The following PCDHGA3 variants were observed in gnomAD, a reference collection of about 807,000 sequenced individuals.
The protein encoded by PCDHGA3 is protocadherin gamma subfamily A, 3, also known as protocadherin gamma-A3.
A neutral mutation model predicts 58.5 loss-of-function variants in PCDHGA3; 40 were observed. The ratio of observed to expected loss-of-function variants is 0.68; its 90% CI spans 0.53 to 0.89. PCDHGA3 has a LOEUF of 0.89. Among genes scored for constraint, PCDHGA3 ranks in the 40% least tolerant of loss-of-function variants. The probability of loss-of-function intolerance (pLI) is 0.00; values close to 1 mark genes in which losing one functional copy is unlikely to be tolerated. For synonymous variants in PCDHGA3, 530 were observed against 525.7 expected, an observed-to-expected ratio of 1.01 and a Z score of -0.11; for missense variants, 1,223 against 1,195.9, an observed-to-expected ratio of 1.02 and a Z score of -0.33.
rs763792447 is a variant in PCDHGA3, at chr5:141,362,267, T to C, written c.2424+15810T>C. On this transcript the variant is annotated intron_variant, in intron 1 of 3. Coordinates refer to ENST00000253812, the MANE Select transcript of PCDHGA3 (RefSeq NM_018916.4). ...TTCTTCCTCGCGGTGATTCTGGCAA[T>C]CTCCCTGCGCCTGCGACTCTCTTCC... The C allele has an allele frequency of 4.3e-6, 7 of 1,613,980 alleles. No homozygotes were observed. The Admixed American group carries it at 1.2e-4, about 27-fold the overall frequency.
In PCDHGA3 at chr5:141,432,091, C is replaced by A. The variant is rs370491149; in HGVS notation, c.2425-62716C>A. ...CTCATATCTCGCTGAACGTGGCAGA[C>A]ACCAACGACAACCCGCCGGTCTTCC... On this transcript the variant is annotated intron_variant, in intron 1 of 3. Coordinates refer to ENST00000253812, the MANE Select transcript of PCDHGA3 (RefSeq NM_018916.4). This position sits in a 1 kb window ranked among gnomAD's most constrained non-coding sequence, Gnocchi z 6.0. 6.2e-7 allele frequency: 1 copy of A among 1,614,056 alleles called. No individual in the cohort carries two copies. Among genetic ancestry groups the A allele is most frequent in the African/African-American group, 1.3e-5 (1 of 74,908 alleles).
chr5:141,345,830 C>A lies in PCDHGA3; in HGVS notation c.1797C>A (p.Gly599=). The change falls in exon 1 of 4, where the codon GGC becomes GGA. Residue 599 remains glycine, a synonymous_variant. Coordinates refer to ENST00000253812, the MANE Select transcript of PCDHGA3 (RefSeq NM_018916.4). ...TKVVAVDRDS[G]QNAWLSYRLL... is the part of the protein sequence containing the mutation. ...TGGTGGCGGTGGACAGAGACTCGGGCCAGAACGCCTGGCTGTCCTACCGCC... is the reference window on the plus strand; with the variant it reads ...TGGTGGCGGTGGACAGAGACTCGGGACAGAACGCCTGGCTGTCCTACCGCC... 1 of 1,613,572 alleles carries A rather than the reference C, an allele frequency of 6.2e-7. No homozygotes were observed. The highest frequency in any genetic ancestry group is 1.1e-5 in the South Asian group (1 of 91,032).
At chr5:141,394,376 C>G (rs1407081878) in intron 1 of PCDHGA3, 29 of 1,614,222 alleles carry the variant, frequency 1.8e-5, no homozygotes, top group Non-Finnish European at 2.5e-5. Flanking sequence ...AATCTTTCGA[C>G]TATGAGCAGA....
intron 2 of PCDHGA3, among the ~76,000 whole-genome samples, chr5:141,500,399 C>T (rs966328306): frequency 1.3e-5 from 2 of 151,806 alleles, no homozygotes; most frequent in South Asian, 2.1e-4. Context: ...TTAGTAGAGA[C>T]GGGGTTTCAC....
Position 141,476,472 on chromosome 5 carries a change from T to C in PCDHGA3, c.2425-18335T>C. On this transcript the variant is annotated intron_variant, in intron 1 of 3. Coordinates refer to ENST00000253812, the MANE Select transcript of PCDHGA3 (RefSeq NM_018916.4). The surrounding 1 kb of genome is among the most constrained non-coding windows in gnomAD (Gnocchi z 7.6). The stretch of plus-strand genomic sequence containing the variant: ...GTAGTGGAGAACCCGCTGGAGCTGT[T>C]CAGCGTGGAAGTGGTGATCCAGGAC... 1 of 1,614,098 alleles carries C rather than the reference T, an allele frequency of 6.2e-7. No homozygotes were observed. The highest frequency in any genetic ancestry group is 8.5e-7 in the Non-Finnish European group (1 of 1,180,024).
intron 1 of PCDHGA3, among the ~76,000 whole-genome samples, chr5:141,437,505 A>G (rs1429147239): frequency 6.6e-6 from 1 of 152,204 alleles, no homozygotes; most frequent in Non-Finnish European, 1.5e-5. Context: ...TTTTCAATGA[A>G]TTATAAGGCT....
intron 1 of PCDHGA3, among the ~76,000 whole-genome samples, chr5:141,488,348 C>G (rs1231687770): frequency 3.2e-4 from 49 of 152,106 alleles, no homozygotes; most frequent in Admixed American, 3.2e-3. Context: ...TAGAAACAGC[C>G]ACCCTGTGCA....
chr5:141,419,138 A>C, intron 1 of PCDHGA3: 1 of 1,613,920 alleles, frequency 6.2e-7, no homozygotes, highest in Non-Finnish European at 8.5e-7. Context: ...AGCCACAGAC[A>C]GGGGCAAGCC....
Position 141,477,554 on chromosome 5 carries a change from A to T in PCDHGA3, c.2425-17253A>T. The T allele has an allele frequency of 6.2e-7, 1 of 1,614,112 alleles. No homozygotes were observed. Among genetic ancestry groups the T allele is most frequent in the South Asian group, 1.1e-5 (1 of 91,086 alleles). Reference sequence around the variant, plus strand: ...CCCCGGGGCTCCAATACTAAACCTAAGTGTCTGGGACCCCGACGCCCCGCA... The same window carrying T: ...CCCCGGGGCTCCAATACTAAACCTATGTGTCTGGGACCCCGACGCCCCGCA... On this transcript the variant is annotated intron_variant, in intron 1 of 3. Transcript: ENST00000253812. This position sits in a 1 kb window ranked among gnomAD's most constrained non-coding sequence, Gnocchi z 4.9.
chr5:141,485,095 TC>T lies in PCDHGA3; in HGVS notation c.2425-9710del, dbSNP rs1040164730. ...GCGCGGGGAAAGGGAGATAGGTGTCTCCAGCTGCTGTGGCTGTTTGGGGCGG... is the reference window on the plus strand; with the variant it reads ...GCGCGGGGAAAGGGAGATAGGTGTCTCAGCTGCTGTGGCTGTTTGGGGCGG... On this transcript the variant is annotated intron_variant, in intron 1 of 3. Coordinates refer to ENST00000253812, the MANE Select transcript of PCDHGA3 (RefSeq NM_018916.4). This position sits in a 1 kb window ranked among gnomAD's most constrained non-coding sequence, Gnocchi z 5.7. 6.8e-5 allele frequency: 76 copies of T among 1,115,798 alleles called. No homozygotes were observed. Among genetic ancestry groups the T allele is most frequent in the South Asian group, 4.6e-4 (33 of 71,042 alleles). The allele number at this position is 1,115,798 out of a possible 1,614,324, so 69.1% of individuals were successfully genotyped here. A position where few individuals can be genotyped will look rare whatever the true frequency, so the allele number is the denominator to read the frequency against.
chr5:141,368,654 A>G (rs1278983703), intron 1 of PCDHGA3, among the ~76,000 whole-genome samples: 1 of 152,204 alleles, frequency 6.6e-6, no homozygotes, highest in Admixed American at 6.5e-5. Flanking sequence ...GCAATGGAAA[A>G]ATATCTTTAA....
Position 141,476,996 on chromosome 5 carries a change from C to T in PCDHGA3, c.2425-17811C>T. The T allele has an allele frequency of 6.2e-7, 1 of 1,614,250 alleles. No homozygotes were observed. Among genetic ancestry groups the T allele is most frequent in the Non-Finnish European group, 8.5e-7 (1 of 1,180,052 alleles). On this transcript the variant is annotated intron_variant, in intron 1 of 3. Coordinates refer to ENST00000253812, the MANE Select transcript of PCDHGA3 (RefSeq NM_018916.4). The surrounding 1 kb of genome is among the most constrained non-coding windows in gnomAD (Gnocchi z 7.6). ...CCACAACCGCGCCGGCGTGCGGCAA[C>T]TATTCGCCTTAGACCTTGTAACCGG...
chr5:141,387,840 C>A, intron 1 of PCDHGA3: 1 of 1,597,864 alleles, frequency 6.3e-7, no homozygotes, highest in African/African-American at 1.3e-5. Context: ...TTATTTGTAA[C>A]CCGGCGTCTC....
chr5:141,501,530 G>T (rs556760554), intron 2 of PCDHGA3, among the ~76,000 whole-genome samples: 1 of 151,998 alleles, frequency 6.6e-6, no homozygotes, highest in East Asian at 1.9e-4. Flanking sequence ...AGCCCAGTAC[G>T]TTGTTGTGCA....
chr5:141,375,469 T>C (rs762486539), intron 1 of PCDHGA3: 1 of 1,613,946 alleles, frequency 6.2e-7, no homozygotes, highest in South Asian at 1.1e-5. Flanking sequence ...TCTATGTCCT[T>C]GAAAACAACC....
At chr5:141,409,772 C>T (rs2095314133) in intron 1 of PCDHGA3, 1 of 1,612,736 alleles carries the variant, frequency 6.2e-7, no homozygotes, top group Non-Finnish European at 8.5e-7. Flanking sequence ...TGATCACGAG[C>T]AGCTGCGCGC....
intron 1 of PCDHGA3, chr5:141,389,816 G>A (rs1359127304): frequency 6.2e-7 from 1 of 1,613,776 alleles, no homozygotes; most frequent in Admixed American, 1.7e-5. Flanking sequence ...TGGTCGCCGT[G>A]CGTGACGGTG....
intron 1 of PCDHGA3, among the ~76,000 whole-genome samples, chr5:141,359,300 T>C (rs1221692939): frequency 6.6e-6 from 1 of 152,140 alleles, no homozygotes; most frequent in Non-Finnish European, 1.5e-5. Context: ...GTGTCAAGCA[T>C]ATTCAGGTGT....
Position 141,490,709 on chromosome 5 carries a change from C to T in PCDHGA3, c.2425-4098C>T. ...GACACTGGGGATAATGCCCGCCTCA[C>T]CTACTCCATTGTAGGAAATCAGGTT... On this transcript the variant is annotated intron_variant, in intron 1 of 3. Transcript: ENST00000253812. This position sits in a 1 kb window ranked among gnomAD's most constrained non-coding sequence, Gnocchi z 5.4. The T allele has an allele frequency of 1.9e-6, 3 of 1,614,218 alleles. No homozygotes were observed. Among genetic ancestry groups the T allele is most frequent in the Non-Finnish European group, 2.5e-6 (3 of 1,180,038 alleles).
Sources: gnomAD v4.1 joint callset for allele counts (sites outside exome capture counted in the v4.1 genomes callset) on GRCh38, gnomAD v4.1.1 for gene constraint, Gnocchi (gnomAD v3.1) non-coding constraint, MANE v1.5 for transcripts, NCBI Gene and HGNC (gene_info 2026-07-23, HGNC 2026-07-21) for gene names.